Variants in PRAMEF9 observed in about 807,000 individuals in gnomAD.
PRAMEF9 encodes the protein PRAME family member 9, also known as PRAME family member 9/15.
Under a neutral mutation model 10.9 loss-of-function variants are expected in PRAMEF9, and 1 was observed. That is an observed-to-expected ratio of 0.09 (90% CI 0.03 to 0.44). The LOEUF is 0.44. PRAMEF9 is among the 20% of genes least tolerant of loss of function. PRAMEF9 has a pLI of 0.97. For synonymous variants in PRAMEF9, 40 were observed against 148.3 expected, an observed-to-expected ratio of 0.27 and a Z score of 5.31; for missense variants, 126 against 379.8, an observed-to-expected ratio of 0.33 and a Z score of 5.55.
In PRAMEF9 at chr1:13,176,074, A is replaced by C; in HGVS notation, c.294-167A>C. The stretch of plus-strand genomic sequence containing the variant: ...AGAGGGAGACTTGGTCTCAAAAAAA[A>C]AAACAAAAAAATGTGGAAGTGGGTA... On this transcript the variant is annotated intron_variant, in intron 2 of 3. Transcript: ENST00000415919. The C allele has an allele frequency of 3.4e-6, 3 of 889,456 alleles. 1 individual carries two copies. The highest frequency in any genetic ancestry group is 1.5e-5 in the African/African-American group (1 of 65,548). 55.1% of individuals were successfully genotyped at this position (889,456 alleles called of 1,614,324 possible).
At chr1:13,172,853 C>T (rs1638343429) in intron 1 of PRAMEF9, 1 of 141,246 alleles carries the variant, frequency 7.1e-6, no homozygotes, top group Admixed American at 7.3e-5. Context: ...GGCAACATGA[C>T]AAAAACCCTC....
At position 13,175,247 on chromosome 1, in the gene PRAMEF9, G is replaced by C; in HGVS notation, c.-16-18G>C. 1 of 1,435,994 alleles carries C rather than the reference G, an allele frequency of 7.0e-7. No individual in the cohort carries two copies. The highest frequency in any genetic ancestry group is 1.9e-5 in the Admixed American group (1 of 53,322). The allele number at this position is 1,435,994 out of a possible 1,614,324, so 89.0% of individuals were successfully genotyped here. A position where few individuals can be genotyped will look rare whatever the true frequency, so the allele number is the denominator to read the frequency against. On this transcript the variant is annotated intron_variant, in intron 1 of 3. Coordinates refer to ENST00000415919, the MANE Select transcript of PRAMEF9 (RefSeq NM_001010890.3). Reference sequence around the variant, plus strand: ...GGCCTGAGAGTGATGCCTTTTCTCTGGGTTTGTCCTCTGGAAGTTTTCCCT... The same window carrying C: ...GGCCTGAGAGTGATGCCTTTTCTCTCGGTTTGTCCTCTGGAAGTTTTCCCT...
chr1:13,175,217 G>C, intron 1 of PRAMEF9, 48 bp from the exon 2 acceptor site: 1 of 1,377,312 alleles, frequency 7.3e-7, no homozygotes, highest in Admixed American at 1.9e-5. Flanking sequence ...AGATTGCATG[G>C]GCTTGGCCTG....
intron 1 of PRAMEF9, 139 bp downstream of exon 1, chr1:13,172,671 G>T (rs1327229113): frequency 1.9e-4 from 25 of 133,210 alleles, no homozygotes; most frequent in African/African-American, 5.4e-4. Context: ...TTGAAGCTTT[G>T]AATGTTTTCC....
At chr1:13,172,823 AG>A (rs1256813223) in intron 1 of PRAMEF9, 2 of 141,750 alleles carry the variant, frequency 1.4e-5, no homozygotes, top group African/African-American at 2.4e-5. Flanking sequence ...ATTTCAGCCC[AG>A]GGGTTTGAGA....
rs1284853759 is a variant in PRAMEF9 at position 13,179,051 on chromosome 1, G to T, written c.1356G>T (p.Arg452Ser). ...NRVRDLRHPK[R>S]IFFCIDNCPD... Reference sequence around the variant, plus strand: ...TGAGGGACTTAAGGCACCCCAAGAGGATCTTTTTCTGTATTGACAACTGCC... The same window carrying T: ...TGAGGGACTTAAGGCACCCCAAGAGTATCTTTTTCTGTATTGACAACTGCC... Residue 452 changes from arginine (R) to serine (S), a missense_variant, in exon 4 of 4, where the codon AGG (arginine) becomes AGT (serine). By Grantham distance (110) the Arg-to-Ser change is moderately radical. Transcript: ENST00000415919. 6.5e-7 allele frequency: 1 copy of T among 1,541,298 alleles called. No individual in the cohort carries two copies. The highest frequency in any genetic ancestry group is 1.1e-5 in the South Asian group (1 of 89,110).
At chr1:13,172,734 T>C (rs1410880859) in intron 1 of PRAMEF9, 1 of 138,610 alleles carries the variant, frequency 7.2e-6, no homozygotes, top group South Asian at 2.3e-4. Context: ...CTTTGGTTGA[T>C]GCCATTTTAA....
intron 1 of PRAMEF9, chr1:13,173,283 A>G (rs1219411605): frequency 1.8e-5 from 1 of 56,012 alleles, no homozygotes; most frequent in Non-Finnish European, 4.7e-5. Context: ...CCTGGGCAAA[A>G]GAGAGACACT....
In PRAMEF9 at chr1:13,172,308, A is replaced by G. The variant is rs1269478219; in HGVS notation, c.-241A>G. ...TAATCTGGGGAGAGCCAAAAACCCA[A>G]TCAGGATTACCTGGGTGGAGTGGAG... On this transcript the variant is annotated 5_prime_UTR_variant, in exon 1 of 4. Coordinates refer to ENST00000415919, the MANE Select transcript of PRAMEF9 (RefSeq NM_001010890.3). The G allele has an allele frequency of 9.0e-6, 1 of 110,674 alleles. No individual in the cohort carries two copies. Among genetic ancestry groups the G allele is most frequent in the Non-Finnish European group, 2.2e-5 (1 of 46,348 alleles). 6.9% of individuals were successfully genotyped at this position (110,674 alleles called of 1,614,324 possible).
chr1:13,172,779 C>T (rs1468955935), intron 1 of PRAMEF9: 2 of 141,222 alleles, frequency 1.4e-5, no homozygotes, highest in African/African-American at 4.9e-5. Flanking sequence ...ATGCCTTTAA[C>T]CCCAACACTT....
In PRAMEF9 at chr1:13,179,097, T is replaced by C; in HGVS notation, c.1402T>C (p.Phe468Leu). The C allele has an allele frequency of 1.9e-6, 3 of 1,541,066 alleles. 1 individual carries two copies. Among genetic ancestry groups the C allele is most frequent in the Non-Finnish European group, 2.7e-6 (3 of 1,122,526 alleles). ...CTGCCCTGACTGTGGCAACAGGTCATTTTATGACCTGGAGGCAGATCAATA... is the reference window on the plus strand; with the variant it reads ...CTGCCCTGACTGTGGCAACAGGTCACTTTATGACCTGGAGGCAGATCAATA... ...DNCPDCGNRS[F>L]YDLEADQYCC Residue 468 changes from phenylalanine to leucine, a missense_variant, in exon 4 of 4, where the codon TTT becomes CTT. Physicochemically the swap from Phe to Leu is conservative, Grantham distance 22. Coordinates refer to ENST00000415919, the MANE Select transcript of PRAMEF9 (RefSeq NM_001010890.3).
In PRAMEF9 at chr1:13,179,090, CA is replaced by C. The variant is rs1638437225; in HGVS notation, c.1396del (p.Arg466GlyfsTer33). ...TTGACAACTGCCCTGACTGTGGCAA[CA>C]GGTCATTTTATGACCTGGAGGCAGA... Reference protein sequence around the residue: ...CIDNCPDCGNRSFYDLEADQY... With the variant: ...CIDNCPDCGNXSFYDLEADQY... On this transcript the variant is annotated frameshift_variant, in exon 4 of 4. Transcript: ENST00000415919. LOFTEE classifies it low-confidence loss of function (END_TRUNC). The C allele has an allele frequency of 1.3e-6, 2 of 1,541,188 alleles. 1 individual carries two copies. The highest frequency in any genetic ancestry group is 3.4e-5 in the Admixed American group (2 of 58,244).
rs1638336106 is a variant in PRAMEF9, at chr1:13,172,494, C to A, written c.-55C>A. On this transcript the variant is annotated 5_prime_UTR_variant, in exon 1 of 4. Transcript: ENST00000415919. The stretch of plus-strand genomic sequence containing the variant: ...AGCCTGGAGTTCCTGCTTGGTTCTT[C>A]CTGAGGTCTGAGCACCTTCTAAACT... The A allele has an allele frequency of 1.4e-5, 2 of 141,630 alleles. 1 individual carries two copies. The highest frequency in any genetic ancestry group is 3.2e-5 in the Non-Finnish European group (2 of 62,714). 8.8% of individuals were successfully genotyped at this position (141,630 alleles called of 1,614,324 possible).
Position 13,175,454 on chromosome 1 carries a change from G to C in PRAMEF9, c.174G>C (p.Val58=). The C allele has an allele frequency of 6.5e-7, 1 of 1,528,750 alleles. No homozygotes were observed. The highest frequency in any genetic ancestry group is 1.4e-5 in the African/African-American group (1 of 72,014). 94.7% of individuals were successfully genotyped at this position (1,528,750 alleles called of 1,614,324 possible). ...RRRCEALKLM[V]QAWPFRRLPL... ...GCTGTGAGGCCCTGAAGCTGATGGT[G>C]CAGGCCTGGCCCTTCCGCCGCCTCC... Residue 58 remains valine, a synonymous_variant, in exon 2 of 4, where the codon GTG becomes GTC. Transcript: ENST00000415919.
intron 2 of PRAMEF9, 165 bp from the exon 3 acceptor site, chr1:13,176,076 A>AC: frequency 1.1e-6 from 1 of 929,784 alleles, no homozygotes. Flanking sequence ...CAAAAAAAAA[A>AC]ACAAAAAAAT....
chr1:13,172,903 C>A (rs1479899737), intron 1 of PRAMEF9: 38 of 139,050 alleles, frequency 2.7e-4, no homozygotes, highest in African/African-American at 9.3e-4. Flanking sequence ...GATGGAGTCT[C>A]ACTGTGTTGC....
At position 13,175,075 on chromosome 1, in the gene PRAMEF9, C is replaced by T. The variant is rs1450722338; in HGVS notation, c.-16-190C>T. 1.9e-4 allele frequency: 121 copies of T among 635,468 alleles called. 15 individuals carry two copies. The East Asian group carries it at 2.8e-3, about 15-fold the overall frequency. 39.4% of individuals were successfully genotyped at this position (635,468 alleles called of 1,614,324 possible). A position where few individuals can be genotyped will look rare whatever the true frequency, so the allele number is the denominator to read the frequency against. On this transcript the variant is annotated intron_variant, in intron 1 of 3. Transcript: ENST00000415919. The stretch of plus-strand genomic sequence containing the variant: ...TGGTGACCCTGCTTCCTCACTGCTT[C>T]GGAGACGCTCATGCTGATGCAGCAG...
At chr1:13,172,602 G>A (rs1638338681) in intron 1 of PRAMEF9, 70 bp downstream of exon 1, 2 of 138,044 alleles carry the variant, frequency 1.4e-5, no homozygotes, top group East Asian at 2.6e-4. Flanking sequence ...TGGTGACAGT[G>A]CAGCCTAAGA....
Position 13,172,140 on chromosome 1 carries a change from G to C in PRAMEF9, c.-409G>C, listed in dbSNP as rs1638326751. 4.1e-5 allele frequency: 6 copies of C among 144,652 alleles called. No homozygotes were observed. In the South Asian group the frequency reaches 1.3e-3, roughly 31 times the overall value. 9.0% of individuals were successfully genotyped at this position (144,652 alleles called of 1,614,324 possible). On this transcript the variant is annotated 5_prime_UTR_variant, in exon 1 of 4. Coordinates refer to ENST00000415919, the MANE Select transcript of PRAMEF9 (RefSeq NM_001010890.3). ...TCCACCTGCCTCTGCCTCCCACAGT[G>C]CTGGGATTACAGGTGTGAGCCACTT... is the stretch of plus-strand genomic sequence containing the variant.
Sources: gnomAD v4.1 joint callset for allele counts on GRCh38, gnomAD v4.1.1 for gene constraint, MANE v1.5 for transcripts, NCBI Gene and HGNC (gene_info 2026-07-23, HGNC 2026-07-21) for gene names.